The following SDK1 variants were observed in gnomAD, a reference collection of about 807,000 sequenced individuals.
SDK1 encodes sidekick cell adhesion molecule 1, also known as protein sidekick-1.
SDK1 carries 157 observed loss-of-function variants against 245.5 expected under a neutral mutation model. That is an observed-to-expected ratio of 0.64 (90% CI 0.56 to 0.73). The LOEUF (loss-of-function observed/expected upper bound fraction) is 0.73. Among genes scored for constraint, SDK1 ranks in the 30% least tolerant of loss-of-function variants. The pLI is 0.00. For synonymous variants in SDK1, 1,647 were observed against 1,278.5 expected (o/e 1.29, Z -6.15); for missense variants, 3,583 against 3,002.3 (o/e 1.19, Z -4.52).
chr7:3,814,717 T>G (rs1238022893), intron 4 of SDK1, among the ~76,000 whole-genome samples: 1 of 151,810 alleles, frequency 6.6e-6, no homozygotes, highest in Non-Finnish European at 1.5e-5. Context: ...ATGGCCATTT[T>G]CACGATATTG....
At chr7:4,246,384 G>A (rs1786863155) in intron 44 of SDK1, among the ~76,000 whole-genome samples, 1 of 152,170 alleles carries the variant, frequency 6.6e-6, no homozygotes, top group Non-Finnish European at 1.5e-5. Flanking sequence ...AACTTTCCCA[G>A]TGTGGACTCC....
intron 5 of SDK1, among the ~76,000 whole-genome samples, chr7:3,864,971 C>G (rs998232862): frequency 4.6e-5 from 7 of 152,202 alleles, no homozygotes; most frequent in African/African-American, 1.7e-4. Context: ...TGAGCTTGCT[C>G]TCTGACCACT....
intron 4 of SDK1, among the ~76,000 whole-genome samples, chr7:3,718,865 C>A (rs1218486946): frequency 6.6e-6 from 1 of 152,132 alleles, no homozygotes; most frequent in African/African-American, 2.4e-5. Flanking sequence ...TTATTGTCTT[C>A]ATTGAAAATC....
intron 1 of SDK1, among the ~76,000 whole-genome samples, chr7:3,354,298 T>G (rs1384603362): frequency 6.6e-6 from 1 of 152,006 alleles, no homozygotes; most frequent in African/African-American, 2.4e-5. Context: ...CCATTTTTCA[T>G]TTAACCAGCA....
At chr7:3,609,710 C>T (rs1023243954) in intron 1 of SDK1, among the ~76,000 whole-genome samples, 5 of 147,102 alleles carry the variant, frequency 3.4e-5, no homozygotes, top group African/African-American at 1.3e-4. Flanking sequence ...TCCCCACCCC[C>T]CGCCACCCAA....
intron 30 of SDK1, among the ~76,000 whole-genome samples, chr7:4,149,967 C>T (rs1446750461): frequency 6.6e-6 from 1 of 152,162 alleles, no homozygotes; most frequent in Non-Finnish European, 1.5e-5. Context: ...ATGCCTAGGA[C>T]ACGACTAGAA....
rs1788418518 is a variant in SDK1, at chr7:4,265,594, G to A, written c.*210G>A. The A allele has an allele frequency of 1.5e-6, 2 of 1,340,190 alleles. No homozygotes were observed. Among genetic ancestry groups the A allele is most frequent in the Admixed American group, 7.6e-5 (2 of 26,240 alleles). 83.0% of individuals were successfully genotyped at this position (1,340,190 alleles called of 1,614,324 possible). A position where few individuals can be genotyped will look rare whatever the true frequency, so the allele number is the denominator to read the frequency against. On this transcript the variant is annotated 3_prime_UTR_variant, in exon 45 of 45. Transcript: ENST00000404826. ...TTTGTAACTTCGCTGCAGGAAGCAG[G>A]TTTGTTTCTTTTTCTTTTCTTTTTA... is the stretch of plus-strand genomic sequence containing the variant.
At chr7:3,364,592 C>G (rs1360407195) in intron 1 of SDK1, among the ~76,000 whole-genome samples, 1 of 152,094 alleles carries the variant, frequency 6.6e-6, no homozygotes, top group African/African-American at 2.4e-5. Context: ...TTGGACATAT[C>G]TGTTCATCTG....
At chr7:3,524,025 G>C (rs1007861941) in intron 1 of SDK1, among the ~76,000 whole-genome samples, 1 of 152,184 alleles carries the variant, frequency 6.6e-6, no homozygotes, top group Non-Finnish European at 1.5e-5. Context: ...TGCCTGGCCT[G>C]AGTCAGCTCA....
intron 4 of SDK1, among the ~76,000 whole-genome samples, chr7:3,718,430 C>T (rs2115026261): frequency 6.6e-6 from 1 of 151,712 alleles, no homozygotes; most frequent in East Asian, 1.9e-4. Context: ...ATCGCTTGAG[C>T]CCCGGAGGTT....
chr7:3,545,220 A>G (rs187255022), intron 1 of SDK1, among the ~76,000 whole-genome samples: 11 of 152,298 alleles, frequency 7.2e-5, no homozygotes, highest in Non-Finnish European at 1.5e-4. Flanking sequence ...AGAAAGAACT[A>G]TGAGGAATGG....
chr7:4,028,903 C>T (rs978551897), intron 17 of SDK1, among the ~76,000 whole-genome samples: 1 of 152,186 alleles, frequency 6.6e-6, no homozygotes, highest in Non-Finnish European at 1.5e-5. Context: ...AGCTCTGCAA[C>T]ACTTGATGGG....
intron 5 of SDK1, among the ~76,000 whole-genome samples, chr7:3,859,070 G>T (rs1462573943): frequency 6.6e-6 from 1 of 151,636 alleles, no homozygotes; most frequent in Non-Finnish European, 1.5e-5. Flanking sequence ...CACTGTGTTA[G>T]CCAGGATGGT....
At chr7:3,768,389 A>G (rs1479587454) in intron 4 of SDK1, among the ~76,000 whole-genome samples, 1 of 152,238 alleles carries the variant, frequency 6.6e-6, no homozygotes, top group South Asian at 2.1e-4. Context: ...GAAATGTTGC[A>G]TTATCATCTT....
At chr7:3,564,849 G>C (rs948130243) in intron 1 of SDK1, among the ~76,000 whole-genome samples, 1 of 152,040 alleles carries the variant, frequency 6.6e-6, no homozygotes, top group African/African-American at 2.4e-5. Flanking sequence ...ATTTTCTGAA[G>C]TTAATGAAAC....
Position 3,739,161 on chromosome 7 carries a change from A to G in SDK1, c.714-82289A>G, listed in dbSNP as rs150254408. Among the ~76,000 whole-genome samples the G allele has an allele frequency of 3.5e-3, 536 of 152,186 alleles. 4 individuals carry two copies. Among genetic ancestry groups the G allele is most frequent in the South Asian group, 0.017 (82 of 4,822 alleles). ...CATAGTTTCTGATGAGAAGTCATTCATTCATCTTATTTGCTGTTCTTTTCT... is the reference window on the plus strand; with the variant it reads ...CATAGTTTCTGATGAGAAGTCATTCGTTCATCTTATTTGCTGTTCTTTTCT... On this transcript the variant is annotated intron_variant, in intron 4 of 44. Transcript: ENST00000404826.
intron 4 of SDK1, among the ~76,000 whole-genome samples, chr7:3,674,974 C>A (rs923126633): frequency 6.6e-6 from 1 of 152,108 alleles, no homozygotes. Flanking sequence ...ACCTGAGGAA[C>A]AATAGTCTTC....
At chr7:3,504,265 CGTTGTT>C (rs369977701) in intron 1 of SDK1, among the ~76,000 whole-genome samples, 29 of 146,624 alleles carry the variant, frequency 2.0e-4, no homozygotes, top group Admixed American at 2.8e-4. Context: ...CTGTTGTTGT[CGTTGTT>C]GTTGTTGTTG....
chr7:3,373,554 C>T (rs1050533159), intron 1 of SDK1, among the ~76,000 whole-genome samples: 7 of 151,906 alleles, frequency 4.6e-5, no homozygotes, highest in Middle Eastern at 3.2e-3. Flanking sequence ...TAATAGTCAA[C>T]ATCATTTATG....
Sources: gnomAD v4.1 joint callset for allele counts (sites outside exome capture counted in the v4.1 genomes callset) on GRCh38, gnomAD v4.1.1 for gene constraint, MANE v1.5 for transcripts, NCBI Gene and HGNC (gene_info 2026-07-23, HGNC 2026-07-21) for gene names.